TMCC2: variants seen among roughly 807,000 people sequenced by gnomAD.
The protein encoded by TMCC2 is transmembrane and coiled-coil domains protein 2.
Under a neutral mutation model 49.4 loss-of-function variants are expected in TMCC2, and 16 were observed. The observed-to-expected ratio is 0.32, with a 90% CI of 0.22 to 0.49. The LOEUF (loss-of-function observed/expected upper bound fraction) is 0.49, where lower values mean the gene tolerates loss of function less well. Among genes scored for constraint, TMCC2 ranks in the 20% least tolerant of loss-of-function variants. TMCC2 has a pLI of 0.99. For missense variants in TMCC2, 762 were observed against 989.8 expected (o/e 0.77, Z 3.09); for synonymous variants, 397 against 434.1 (o/e 0.91, Z 1.06).
chr1:205,268,689 A>G (rs1291523252), intron 2 of TMCC2, among the ~76,000 whole-genome samples: 1 of 152,168 alleles, frequency 6.6e-6, no homozygotes, highest in Non-Finnish European at 1.5e-5. Context: ...GTGTCCCTGA[A>G]CAACTTGTTT....
At chr1:205,229,877 C>T (rs897146292) in intron 1 of TMCC2, 15 of 985,270 alleles carry the variant, frequency 1.5e-5, no homozygotes, top group Non-Finnish European at 1.7e-5. Context: ...AAATAATGCA[C>T]CTTTGCCGGA....
chr1:205,237,296 G>A (rs1042481075), intron 1 of TMCC2, among the ~76,000 whole-genome samples: 3 of 152,106 alleles, frequency 2.0e-5, no homozygotes, highest in Non-Finnish European at 2.9e-5. Context: ...AACTCTGTGG[G>A]TTTTTACAGT....
rs1347638596 is a variant in TMCC2 at position 205,272,067 on chromosome 1, C to G, written c.2073C>G (p.Leu691=). Reference sequence around the variant, plus strand: ...TCCTGGTCCTCGTCCTGTTCCTCCTCTGGAAGCACTGGGACTCCCTCACCT... The same window carrying G: ...TCCTGGTCCTCGTCCTGTTCCTCCTGTGGAAGCACTGGGACTCCCTCACCT... ...TTLLVLVLFL[L]WKHWDSLTYL... Residue 691 remains leucine, a synonymous_variant, in exon 5 of 5, where the codon CTC becomes CTG. Coordinates refer to ENST00000358024, the MANE Select transcript of TMCC2 (RefSeq NM_014858.4). 1.9e-6 allele frequency: 3 copies of G among 1,614,202 alleles called. No homozygotes were observed. In the South Asian group the frequency reaches 3.3e-5, roughly 18 times the overall value.
intron 1 of TMCC2, among the ~76,000 whole-genome samples, chr1:205,232,704 G>A (rs1194460140): frequency 6.6e-6 from 1 of 152,092 alleles, no homozygotes; most frequent in Non-Finnish European, 1.5e-5. Flanking sequence ...GTAGGCCGAG[G>A]TTGGTGGATC....
chr1:205,266,182 A>G (rs1251057454), intron 2 of TMCC2, among the ~76,000 whole-genome samples: 2 of 148,874 alleles, frequency 1.3e-5, no homozygotes, highest in African/African-American at 5.0e-5. Context: ...CGGAGCTTGC[A>G]GTGAGCCAAG....
intron 2 of TMCC2, among the ~76,000 whole-genome samples, chr1:205,246,014 G>T (rs928577406): frequency 1.3e-5 from 2 of 151,996 alleles, no homozygotes; most frequent in African/African-American, 4.8e-5. Context: ...GACCTCAGGT[G>T]ATCTGGCTTT....
At position 205,272,179 on chromosome 1, in the gene TMCC2, CAGG is replaced by C. The variant is rs755140469; in HGVS notation, c.*59_*61del. 8 of 1,579,750 alleles carry C rather than the reference CAGG, an allele frequency of 5.1e-6. No homozygotes were observed. The highest frequency in any genetic ancestry group is 6.9e-6 in the Non-Finnish European group (8 of 1,159,878). The stretch of plus-strand genomic sequence containing the variant: ...TGGCCCCCAGCTGGCCACACTTCTC[CAGG>C]AGGGACCCTTGGACTTCTTTGTGTG... On this transcript the variant is annotated 3_prime_UTR_variant, in exon 5 of 5. Transcript: ENST00000358024.
chr1:205,243,200 A>G (rs1303952453), intron 2 of TMCC2, among the ~76,000 whole-genome samples: 2 of 152,216 alleles, frequency 1.3e-5, no homozygotes, highest in East Asian at 3.8e-4. Context: ...TCTGGCCTAC[A>G]TGGTGAAACC....
At chr1:205,270,370 T>C (rs563306136) in intron 3 of TMCC2, among the ~76,000 whole-genome samples, 7 of 152,312 alleles carry the variant, frequency 4.6e-5, no homozygotes, top group African/African-American at 1.4e-4. Context: ...TGAATGGATG[T>C]ATAGCTTCCA....
chr1:205,243,247 G>A (rs1488315689), intron 2 of TMCC2, among the ~76,000 whole-genome samples: 1 of 152,186 alleles, frequency 6.6e-6, no homozygotes, highest in Non-Finnish European at 1.5e-5. Flanking sequence ...AGCCAGGCAT[G>A]GTGGTGGGCG....
chr1:205,255,529 T>C (rs1660831453), intron 2 of TMCC2, among the ~76,000 whole-genome samples: 1 of 152,088 alleles, frequency 6.6e-6, no homozygotes, highest in Non-Finnish European at 1.5e-5. Context: ...CATTCCAGCC[T>C]GGTGACAGGG....
chr1:205,229,781 G>A (rs1213520571), intron 1 of TMCC2: 2 of 985,356 alleles, frequency 2.0e-6, no homozygotes, highest in East Asian at 2.3e-4. Context: ...TTCACATGGA[G>A]CTGTTTATTT....
intron 2 of TMCC2, among the ~76,000 whole-genome samples, chr1:205,261,618 A>G (rs1574860547): frequency 1.3e-5 from 2 of 152,012 alleles, no homozygotes; most frequent in East Asian, 3.9e-4. Context: ...CGTCGAGACT[A>G]CAGTGATCCA....
chr1:205,230,987 C>A (rs1659770690), intron 1 of TMCC2, among the ~76,000 whole-genome samples: 1 of 35,358 alleles, frequency 2.8e-5, no homozygotes, highest in African/African-American at 6.1e-5. Context: ...CCATCCACCC[C>A]ATCCCCCCAT....
chr1:205,242,092 T>G (rs772755232), intron 2 of TMCC2, 48 bp downstream of exon 2: 4 of 1,517,824 alleles, frequency 2.6e-6, no homozygotes, highest in Non-Finnish European at 2.6e-6. Context: ...GCAAGGGCCA[T>G]CCGCTGAGGG....
intron 2 of TMCC2, among the ~76,000 whole-genome samples, chr1:205,253,582 C>T (rs988290482): frequency 2.6e-5 from 4 of 152,220 alleles, no homozygotes; most frequent in Admixed American, 6.5e-5. Flanking sequence ...AGAGAGGAGG[C>T]GCCCCAGGGA....
chr1:205,260,335 A>G (rs1661055703), intron 2 of TMCC2, among the ~76,000 whole-genome samples: 1 of 152,170 alleles, frequency 6.6e-6, no homozygotes, highest in Admixed American at 6.5e-5. Context: ...TGTGTAGCCC[A>G]CCTGTGCCCT....
intron 1 of TMCC2, among the ~76,000 whole-genome samples, chr1:205,239,602 G>T (rs540840510): frequency 6.6e-6 from 1 of 152,256 alleles, no homozygotes; most frequent in East Asian, 1.9e-4. Context: ...TGTTGCTTTT[G>T]TTACTATTTA....
intron 1 of TMCC2, among the ~76,000 whole-genome samples, chr1:205,235,386 T>G (rs111477798): frequency 0.024 from 3,708 of 152,310 alleles, 63 homozygotes; most frequent in East Asian, 0.067. Flanking sequence ...AGAATGTGCT[T>G]CTTTTTGTGT....
Sources: allele counts gnomAD v4.1 joint callset (sites outside exome capture counted in the v4.1 genomes callset), GRCh38; gene constraint gnomAD v4.1.1; transcripts MANE v1.5; gene names NCBI Gene and HGNC (gene_info 2026-07-23, HGNC 2026-07-21).